The following PTCD2 variants were observed in gnomAD, a reference collection of about 807,000 sequenced individuals.
PTCD2 encodes pentatricopeptide repeat-containing protein 2, mitochondrial.
In PTCD2, 31 loss-of-function variants were observed where a neutral mutation model predicts 42.6. The observed-to-expected ratio is 0.73, with a 90% CI of 0.55 to 0.98. The LOEUF is 0.98. Ranked by LOEUF, PTCD2 falls within the 50% of genes least tolerant of loss-of-function variation. PTCD2 has a pLI of 0.00. For missense variants in PTCD2, 476 were observed against 454.8 expected, an observed-to-expected ratio of 1.05 and a Z score of -0.42; for synonymous variants, 183 against 170.9, an observed-to-expected ratio of 1.07 and a Z score of -0.55.
At chr5:72,338,354 C>G (rs6452418) in intron 6 of PTCD2, among the ~76,000 whole-genome samples, 25,456 of 152,098 alleles carry the variant, frequency 0.17, 5,598 homozygotes, top group African/African-American at 0.51. Context: ...GATACAAAGA[C>G]ATGTGTATGT....
rs1753145412 is a variant in PTCD2 at position 72,363,882 on chromosome 5, C to T, written c.*5455C>T. On this transcript the variant is annotated 3_prime_UTR_variant, in exon 10 of 10. Transcript: ENST00000380639. ...TAAAATAACCCACAATTCAAATTTC[C>T]TTCATAACATTTCTACCTATAAATT... is the stretch of plus-strand genomic sequence containing the variant. 6.6e-6 allele frequency: 1 copy of T among 152,108 alleles called. No homozygotes were observed. Among genetic ancestry groups the T allele is most frequent in the Non-Finnish European group, 1.5e-5 (1 of 68,024 alleles). The allele number at this position is 152,108 out of a possible 1,614,324, so 9.4% of individuals were successfully genotyped here.
intron 6 of PTCD2, among the ~76,000 whole-genome samples, chr5:72,336,908 A>C (rs543674600): frequency 1.3e-5 from 2 of 152,148 alleles, no homozygotes; most frequent in Non-Finnish European, 2.9e-5. Flanking sequence ...CTGAAAACAA[A>C]GGAACATGAA....
chr5:72,352,708 GA>G lies in PTCD2; in HGVS notation c.899del (p.Asn300IlefsTer6). ...LIKTLKNAAE[G>X]NLSKFVKRHV... ...AAGACTCTAAAAAATGCTGCAGAAG[GA>G]AATTTATCAAAATTTGTGAAAAGAC... On this transcript the variant is annotated frameshift_variant, in exon 9 of 10. Coordinates refer to ENST00000380639, the MANE Select transcript of PTCD2 (RefSeq NM_024754.5). LOFTEE classifies it low-confidence loss of function (END_TRUNC). 1 of 1,604,382 alleles carries G rather than the reference GA, an allele frequency of 6.2e-7. No individual in the cohort carries two copies.
At chr5:72,358,130 T>C in intron 9 of PTCD2, 73 bp from the exon 10 acceptor site, 1 of 1,344,516 alleles carries the variant, frequency 7.4e-7, no homozygotes, top group Non-Finnish European at 1.0e-6. Context: ...TCCATTTCTT[T>C]TTCTTAGGGT....
At chr5:72,353,289 T>C (rs1163813717) in intron 9 of PTCD2, among the ~76,000 whole-genome samples, 1 of 152,194 alleles carries the variant, frequency 6.6e-6, no homozygotes, top group African/African-American at 2.4e-5. Flanking sequence ...AGAAGTTGAC[T>C]CACTCTTTTG....
intron 1 of PTCD2, among the ~76,000 whole-genome samples, chr5:72,321,921 T>C (rs941833454): frequency 1.3e-5 from 2 of 152,362 alleles, no homozygotes; most frequent in South Asian, 4.1e-4. Context: ...GGTTTATCAC[T>C]AGCTACGGTT....
At chr5:72,347,201 C>A (rs1752401141) in intron 8 of PTCD2, among the ~76,000 whole-genome samples, 1 of 152,210 alleles carries the variant, frequency 6.6e-6, no homozygotes, top group African/African-American at 2.4e-5. Context: ...GTTTCCCCGC[C>A]ACTCCAGACC....
At chr5:72,346,777 T>C (rs895271264) in intron 8 of PTCD2, among the ~76,000 whole-genome samples, 2 of 152,286 alleles carry the variant, frequency 1.3e-5, no homozygotes, top group African/African-American at 4.8e-5. Context: ...AGATGTCCCA[T>C]CTATCATGAT....
chr5:72,331,465 T>A, intron 4 of PTCD2, 90 bp downstream of exon 4: 1 of 962,126 alleles, frequency 1.0e-6, no homozygotes, highest in Non-Finnish European at 1.7e-6. Context: ...TATTCCTGGG[T>A]TAGATTTTCA....
intron 2 of PTCD2, among the ~76,000 whole-genome samples, chr5:72,322,739 A>G (rs1750926138): frequency 6.6e-6 from 1 of 152,250 alleles, no homozygotes; most frequent in African/African-American, 2.4e-5. Context: ...CTATATATAA[A>G]TGAAATCAAA....
Position 72,326,759 on chromosome 5 carries a change from A to C in PTCD2, c.350+18A>C. On this transcript the variant is annotated intron_variant, in intron 3 of 9. Coordinates refer to ENST00000380639, the MANE Select transcript of PTCD2 (RefSeq NM_024754.5). ...ATTTACAGGTGAGGCATTTCCTTAG[A>C]ATGTTGCCACCCTTATCCCTTCTTA... The C allele has an allele frequency of 6.2e-7, 1 of 1,612,464 alleles. No individual in the cohort carries two copies. Among genetic ancestry groups the C allele is most frequent in the Non-Finnish European group, 8.5e-7 (1 of 1,179,054 alleles).
intron 6 of PTCD2, among the ~76,000 whole-genome samples, chr5:72,337,786 C>G (rs963138655): frequency 2.0e-5 from 3 of 152,164 alleles, no homozygotes; most frequent in Non-Finnish European, 4.4e-5. Flanking sequence ...GAGCGAGACT[C>G]TGTCTCAAAA....
At chr5:72,327,616 G>T (rs979244067) in intron 3 of PTCD2, among the ~76,000 whole-genome samples, 1 of 151,928 alleles carries the variant, frequency 6.6e-6, no homozygotes, top group African/African-American at 2.4e-5. Flanking sequence ...GGGGTTACAG[G>T]TGCCTGCCAC....
chr5:72,343,688 A>G (rs926547366), intron 8 of PTCD2, among the ~76,000 whole-genome samples: 1 of 152,180 alleles, frequency 6.6e-6, no homozygotes, highest in Non-Finnish European at 1.5e-5. Flanking sequence ...AACTAAAAGC[A>G]TAGGAAAAAA....
intron 8 of PTCD2, among the ~76,000 whole-genome samples, chr5:72,343,865 C>T (rs1222818213): frequency 6.6e-6 from 1 of 152,076 alleles, no homozygotes; most frequent in Non-Finnish European, 1.5e-5. Flanking sequence ...ATTGAGACTC[C>T]TTGTATACTG....
rs1160917671 is a variant in PTCD2 at position 72,363,856 on chromosome 5, CTAAAA to C, written c.*5433_*5437del. The C allele has an allele frequency of 6.6e-6, 1 of 152,120 alleles. No individual in the cohort carries two copies. The highest frequency in any genetic ancestry group is 2.4e-5 in the African/African-American group (1 of 41,426). The allele number at this position is 152,120 out of a possible 1,614,324, so 9.4% of individuals were successfully genotyped here. On this transcript the variant is annotated 3_prime_UTR_variant, in exon 10 of 10. Transcript: ENST00000380639. ...TGTGGCAAAACTACATGAGACTTGACTAAAATAACCCACAATTCAAATTTCCTTCA... is the reference window on the plus strand; with the variant it reads ...TGTGGCAAAACTACATGAGACTTGACTAACCCACAATTCAAATTTCCTTCA...
intron 8 of PTCD2, among the ~76,000 whole-genome samples, chr5:72,344,827 G>A (rs1003464805): frequency 6.6e-6 from 1 of 152,136 alleles, no homozygotes; most frequent in African/African-American, 2.4e-5. Flanking sequence ...ATTTCAAAAG[G>A]GGAGGGAGTG....
chr5:72,323,800 A>T (rs777402575), intron 2 of PTCD2, among the ~76,000 whole-genome samples: 14 of 151,954 alleles, frequency 9.2e-5, no homozygotes, highest in Non-Finnish European at 1.8e-4. Flanking sequence ...GTGCCACCAT[A>T]CCGCCTAATT....
At chr5:72,341,866 C>T (rs1752081651) in intron 7 of PTCD2, among the ~76,000 whole-genome samples, 1 of 151,864 alleles carries the variant, frequency 6.6e-6, no homozygotes, top group Admixed American at 6.6e-5. Context: ...CACGGTAAAA[C>T]CCTGTCTCTA....
Sources: gnomAD v4.1 joint callset for allele counts (sites outside exome capture counted in the v4.1 genomes callset) on GRCh38, gnomAD v4.1.1 for gene constraint, MANE v1.5 for transcripts, NCBI Gene and HGNC (gene_info 2026-07-23, HGNC 2026-07-21) for gene names.